Variants in PTK2 observed in about 807,000 individuals in gnomAD.
PTK2 encodes protein tyrosine kinase 2, also known as focal adhesion kinase 1.
Under a neutral mutation model 150.1 loss-of-function variants are expected in PTK2, and 45 were observed. That is an observed-to-expected ratio of 0.30 (90% CI 0.24 to 0.38). The LOEUF (loss-of-function observed/expected upper bound fraction) is 0.38, where lower values mean the gene tolerates loss of function less well. Ranked by LOEUF, PTK2 falls within the 10% of genes least tolerant of loss-of-function variation. The pLI, the probability that PTK2 is intolerant of heterozygous loss-of-function variation, is 1.00. For missense variants in PTK2, 919 were observed against 1,307.3 expected (o/e 0.70, Z 4.58); for synonymous variants, 432 against 449.2 (o/e 0.96, Z 0.48).
At chr8:140,738,536 A>G (rs916931948) in intron 21 of PTK2, among the ~76,000 whole-genome samples, 1 of 152,228 alleles carries the variant, frequency 6.6e-6, no homozygotes, top group African/African-American at 2.4e-5. Context: ...AAGCTACAGA[A>G]GACAAAGGAT....
intron 8 of PTK2, among the ~76,000 whole-genome samples, chr8:140,830,206 A>G (rs890195820): frequency 1.3e-5 from 2 of 152,218 alleles, no homozygotes; most frequent in African/African-American, 4.8e-5. Flanking sequence ...AGATGACAGG[A>G]ATAACTGTGC....
intron 14 of PTK2, among the ~76,000 whole-genome samples, chr8:140,787,403 G>T (rs1308569729): frequency 6.6e-6 from 1 of 152,150 alleles, no homozygotes; most frequent in Non-Finnish European, 1.5e-5. Flanking sequence ...CAAGAACATA[G>T]AACTTAAACC....
At chr8:140,770,075 A>G (rs917559754) in intron 14 of PTK2, among the ~76,000 whole-genome samples, 5 of 152,250 alleles carry the variant, frequency 3.3e-5, no homozygotes, top group Non-Finnish European at 5.9e-5. Context: ...TTTAAATATT[A>G]TAAGGTAGAC....
chr8:140,962,261 G>T (rs569999903), intron 1 of PTK2, among the ~76,000 whole-genome samples: 1 of 107,772 alleles, frequency 9.3e-6, no homozygotes, highest in Non-Finnish European at 2.0e-5. Context: ...GGGAGGAAGG[G>T]AAGAAGGGAG....
At chr8:140,933,996 C>CA (rs59603876) in intron 1 of PTK2, among the ~76,000 whole-genome samples, 61,397 of 149,506 alleles carry the variant, frequency 0.41, 14,623 homozygotes, top group Non-Finnish European at 0.55. Context: ...AGCTAAAGGA[C>CA]AAAAAAAAAT....
chr8:140,827,800 G>T (rs1440873644), intron 8 of PTK2, among the ~76,000 whole-genome samples: 1 of 152,084 alleles, frequency 6.6e-6, no homozygotes, highest in African/African-American at 2.4e-5. Context: ...AACAGATATT[G>T]TCTTTGCCCT....
At chr8:140,776,215 C>T (rs913988432) in intron 14 of PTK2, among the ~76,000 whole-genome samples, 5 of 152,190 alleles carry the variant, frequency 3.3e-5, no homozygotes, top group Non-Finnish European at 5.9e-5. Context: ...GTTGGCCAGG[C>T]TGGTCTGGAA....
chr8:140,694,261 T>A (rs2100025091), intron 26 of PTK2, among the ~76,000 whole-genome samples: 1 of 152,238 alleles, frequency 6.6e-6, no homozygotes, highest in South Asian at 2.1e-4. Flanking sequence ...CAGGATGGTC[T>A]CGATCTCCTG....
chr8:140,725,197 G>A (rs1349678133), intron 22 of PTK2, among the ~76,000 whole-genome samples: 2 of 149,930 alleles, frequency 1.3e-5, no homozygotes, highest in Admixed American at 6.7e-5. Context: ...GCAGTGGCTC[G>A]ATCACGGCTC....
intron 14 of PTK2, among the ~76,000 whole-genome samples, chr8:140,787,900 G>GA (rs1000150456): frequency 2.5e-4 from 38 of 152,288 alleles, no homozygotes; most frequent in African/African-American, 8.7e-4. Flanking sequence ...CTACTCTACA[G>GA]AACATCCTGC....
chr8:141,000,378 G>A (rs969227590), intron 1 of PTK2, among the ~76,000 whole-genome samples: 1 of 152,188 alleles, frequency 6.6e-6, no homozygotes, highest in Admixed American at 6.5e-5. Flanking sequence ...CTCGGGCACC[G>A]GCAGGCCGCT....
At chr8:140,665,555 C>T (rs902989349) in intron 30 of PTK2, among the ~76,000 whole-genome samples, 2 of 152,014 alleles carry the variant, frequency 1.3e-5, no homozygotes, top group Non-Finnish European at 2.9e-5. Flanking sequence ...CTGCCACTTC[C>T]GAGTTGCAGC....
chr8:140,988,622 G>A (rs112479905), intron 1 of PTK2, among the ~76,000 whole-genome samples: 3 of 151,808 alleles, frequency 2.0e-5, no homozygotes, highest in African/African-American at 2.4e-5. Flanking sequence ...CCAGCTATTC[G>A]GGAGGCTGAG....
chr8:140,795,508 C>T (rs2100091000), intron 12 of PTK2, among the ~76,000 whole-genome samples: 1 of 152,220 alleles, frequency 6.6e-6, no homozygotes, highest in Admixed American at 6.5e-5. Flanking sequence ...GACAACCTTA[C>T]TTAAAATTGT....
At chr8:140,675,539 A>AC in intron 27 of PTK2, 40 bp from the exon 31 acceptor site, 1 of 1,507,292 alleles carries the variant, frequency 6.6e-7, no homozygotes, top group Non-Finnish European at 9.2e-7. Flanking sequence ...ACTGGTATAT[A>AC]CACTTGGGCA....
intron 22 of PTK2, among the ~76,000 whole-genome samples, chr8:140,728,307 T>A (rs72681716): frequency 1.1e-4 from 17 of 152,272 alleles, no homozygotes; most frequent in Non-Finnish European, 2.4e-4. Context: ...AGCTCATAAT[T>A]TTGCACGATT....
chr8:140,786,428 G>A (rs961014802), intron 14 of PTK2, among the ~76,000 whole-genome samples: 2 of 152,102 alleles, frequency 1.3e-5, no homozygotes, highest in African/African-American at 4.8e-5. Flanking sequence ...TAAGATTACC[G>A]TTTTTCTAGG....
chr8:140,808,114 G>A (rs949224700), intron 10 of PTK2, among the ~76,000 whole-genome samples: 2 of 152,172 alleles, frequency 1.3e-5, no homozygotes, highest in African/African-American at 4.8e-5. Context: ...GGGACACAGG[G>A]CTAAAAGAGG....
chr8:140,848,144 G>A (rs1054977241), intron 5 of PTK2, among the ~76,000 whole-genome samples: 1 of 152,164 alleles, frequency 6.6e-6, no homozygotes, highest in Admixed American at 6.5e-5. Context: ...TGCATGCCTA[G>A]GAAGCGCTAC....
Sources: allele counts gnomAD v4.1 joint callset (sites outside exome capture counted in the v4.1 genomes callset), GRCh38; gene constraint gnomAD v4.1.1; transcripts MANE v1.5; gene names NCBI Gene and HGNC (gene_info 2026-07-23, HGNC 2026-07-21).